The following NRG3 variants were observed in gnomAD, a reference collection of about 807,000 sequenced individuals.
NRG3 encodes pro-neuregulin-3, membrane-bound isoform.
Under a neutral mutation model 66.9 loss-of-function variants are expected in NRG3, and 31 were observed. That is an observed-to-expected ratio of 0.46 (90% CI 0.35 to 0.63). NRG3 has a LOEUF of 0.63. Ranked by LOEUF, NRG3 falls within the 20% of genes least tolerant of loss-of-function variation. The probability of loss-of-function intolerance (pLI) is 0.00; values close to 1 mark genes in which losing one functional copy is unlikely to be tolerated. For missense variants in NRG3, 910 were observed against 878.9 expected (o/e 1.04, Z -0.45); for synonymous variants, 393 against 359.4 (o/e 1.09, Z -1.06).
intron 3 of NRG3, among the ~76,000 whole-genome samples, chr10:82,855,877 A>G (rs959994196): frequency 1.3e-5 from 2 of 152,190 alleles, no homozygotes; most frequent in Non-Finnish European, 2.9e-5. Context: ...ATTTTTTCTG[A>G]TAGTGGACCA....
intron 1 of NRG3, among the ~76,000 whole-genome samples, chr10:81,972,327 G>T (rs1323953100): frequency 6.6e-6 from 1 of 152,114 alleles, no homozygotes; most frequent in African/African-American, 2.4e-5. Context: ...ATGCAAAAAA[G>T]TGGGGAAATA....
chr10:82,758,849 T>A (rs1444747505), intron 3 of NRG3, among the ~76,000 whole-genome samples: 1 of 151,704 alleles, frequency 6.6e-6, no homozygotes, highest in African/African-American at 2.4e-5. Flanking sequence ...GTAAAACTTG[T>A]CTTGGCAAAA....
chr10:82,702,346 C>T (rs1339093598), intron 2 of NRG3, among the ~76,000 whole-genome samples: 3 of 152,108 alleles, frequency 2.0e-5, no homozygotes, highest in African/African-American at 4.8e-5. Context: ...AATTTTACCT[C>T]TAGAATTTTG....
intron 2 of NRG3, among the ~76,000 whole-genome samples, chr10:82,685,347 A>T (rs1336258290): frequency 6.6e-6 from 1 of 152,198 alleles, no homozygotes; most frequent in East Asian, 1.9e-4. Context: ...GAATTACTGA[A>T]AGAAAGTAGC....
intron 3 of NRG3, among the ~76,000 whole-genome samples, chr10:82,845,385 A>G (rs892366844): frequency 5.3e-5 from 8 of 152,188 alleles, no homozygotes; most frequent in African/African-American, 1.9e-4. Flanking sequence ...CTTCCTGAAG[A>G]GGCCAGATGA....
At chr10:82,746,065 A>C (rs1351032204) in intron 3 of NRG3, among the ~76,000 whole-genome samples, 1 of 152,040 alleles carries the variant, frequency 6.6e-6, no homozygotes, top group Non-Finnish European at 1.5e-5. Flanking sequence ...CTTTTTAAAA[A>C]AATGTTTATA....
chr10:82,600,704 G>A (rs620990), intron 2 of NRG3, among the ~76,000 whole-genome samples: 11,967 of 152,092 alleles, frequency 0.079, 595 homozygotes, highest in East Asian at 0.15. Context: ...TCCTGACCTC[G>A]TGATCCTTTC....
chr10:81,986,711 T>C (rs1051895269), intron 1 of NRG3, among the ~76,000 whole-genome samples: 1 of 152,212 alleles, frequency 6.6e-6, no homozygotes, highest in Non-Finnish European at 1.5e-5. Context: ...TTAATTTTTT[T>C]GAGGCAGTCT....
intron 2 of NRG3, among the ~76,000 whole-genome samples, chr10:82,653,504 G>A (rs1414113848): frequency 6.6e-6 from 1 of 152,178 alleles, no homozygotes; most frequent in Non-Finnish European, 1.5e-5. Flanking sequence ...CAAGTCCCAA[G>A]AGAAAATGAA....
At chr10:82,583,219 G>A (rs913905043) in intron 2 of NRG3, among the ~76,000 whole-genome samples, 4 of 152,108 alleles carry the variant, frequency 2.6e-5, no homozygotes, top group Non-Finnish European at 5.9e-5. Flanking sequence ...TAAAATATCT[G>A]TACTTCTCAG....
intron 2 of NRG3, among the ~76,000 whole-genome samples, chr10:82,523,562 A>T (rs1053495281): frequency 2.0e-5 from 3 of 151,544 alleles, no homozygotes; most frequent in African/African-American, 7.3e-5. Flanking sequence ...TCTTTTTTTA[A>T]TTGGGTTATT....
At chr10:81,917,542 G>C (rs541443783) in intron 1 of NRG3, among the ~76,000 whole-genome samples, 1 of 152,282 alleles carries the variant, frequency 6.6e-6, no homozygotes, top group South Asian at 2.1e-4. Context: ...ATTACCTTGA[G>C]AGTAGGTAAA....
intron 1 of NRG3, among the ~76,000 whole-genome samples, chr10:81,907,312 A>G (rs1844692445): frequency 6.6e-6 from 1 of 152,182 alleles, no homozygotes; most frequent in African/African-American, 2.4e-5. Flanking sequence ...AGTCCCTTCC[A>G]AATATACATT....
chr10:82,104,042 G>T (rs1253687497), intron 1 of NRG3, among the ~76,000 whole-genome samples: 2 of 151,678 alleles, frequency 1.3e-5, no homozygotes, highest in Non-Finnish European at 2.9e-5. Flanking sequence ...TCAAAGTTGG[G>T]TGTTAAGGAA....
chr10:82,213,804 A>G (rs1296129705), intron 1 of NRG3, among the ~76,000 whole-genome samples: 2 of 152,232 alleles, frequency 1.3e-5, no homozygotes, highest in African/African-American at 2.4e-5. Flanking sequence ...CAGAAGACAC[A>G]ACAAAATATG....
At chr10:82,342,893 GTT>G (rs2082758049) in intron 1 of NRG3, among the ~76,000 whole-genome samples, 1 of 152,096 alleles carries the variant, frequency 6.6e-6, no homozygotes. Flanking sequence ...GATTTTTACA[GTT>G]TCAAGTTTTA....
At chr10:81,892,810 A>G (rs1843156682) in intron 1 of NRG3, among the ~76,000 whole-genome samples, 1 of 152,226 alleles carries the variant, frequency 6.6e-6, no homozygotes, top group African/African-American at 2.4e-5. Context: ...AAAAATAACT[A>G]AAAGAATATA....
At chr10:82,905,861 G>A (rs1844687069) in intron 4 of NRG3, among the ~76,000 whole-genome samples, 1 of 152,106 alleles carries the variant, frequency 6.6e-6, no homozygotes, top group African/African-American at 2.4e-5. Context: ...TATTAACAAT[G>A]TTTCTGTCTT....
intron 1 of NRG3, among the ~76,000 whole-genome samples, chr10:82,071,554 T>C (rs573017815): frequency 6.6e-6 from 1 of 152,080 alleles, no homozygotes; most frequent in Non-Finnish European, 1.5e-5. Context: ...AGGGACACTG[T>C]TGCTGAGCAA....
Sources: allele counts gnomAD v4.1 joint callset (sites outside exome capture counted in the v4.1 genomes callset), GRCh38; gene constraint gnomAD v4.1.1; transcripts MANE v1.5; gene names NCBI Gene and HGNC (gene_info 2026-07-23, HGNC 2026-07-21).